Variants in CFAP299 observed in about 807,000 individuals in gnomAD.
The protein encoded by CFAP299 is cilia- and flagella-associated protein 299.
A neutral mutation model predicts 27.0 loss-of-function variants in CFAP299; 21 were observed. That is an observed-to-expected ratio of 0.78 (90% confidence interval 0.55 to 1.12). The LOEUF (loss-of-function observed/expected upper bound fraction) is 1.12, where lower values mean the gene tolerates loss of function less well. CFAP299 is among the 50% of genes most tolerant of loss of function. The probability of loss-of-function intolerance (pLI) is 0.00; values close to 1 mark genes in which losing one functional copy is unlikely to be tolerated. For synonymous variants in CFAP299, 104 were observed against 98.1 expected, an observed-to-expected ratio of 1.06 and a Z score of -0.36; for missense variants, 310 against 276.6, an observed-to-expected ratio of 1.12 and a Z score of -0.86.
At chr4:80,716,356 T>C (rs1269098085) in intron 3 of CFAP299, among the ~76,000 whole-genome samples, 4 of 151,018 alleles carry the variant, frequency 2.6e-5, no homozygotes, top group African/African-American at 9.7e-5. Context: ...CAAGTGAATG[T>C]CAATAAGGAT....
At chr4:80,774,194 G>A (rs1341827489) in intron 3 of CFAP299, among the ~76,000 whole-genome samples, 4 of 151,718 alleles carry the variant, frequency 2.6e-5, no homozygotes, top group Non-Finnish European at 5.9e-5. Flanking sequence ...AATTTGTGAG[G>A]TTGTTAAATC....
rs556645860 is a variant in CFAP299, at chr4:80,442,485, A to T, written c.242+79601A>T. On this transcript the variant is annotated intron_variant, in intron 2 of 5. Coordinates refer to ENST00000358105, the MANE Select transcript of CFAP299 (RefSeq NM_152770.3). ...GGTAAATAACGAAATTAAGGCAGAA[A>T]TAAATAAGTTCTTTGAAACAAATGA... 6.6e-4 allele frequency among the ~76,000 whole-genome samples: 100 copies of T among 152,356 alleles called. 3 individuals are homozygous for T. In the South Asian group the frequency reaches 0.02, roughly 31 times the overall value.
At chr4:80,552,520 T>C (rs1169895778) in intron 2 of CFAP299, among the ~76,000 whole-genome samples, 1 of 152,180 alleles carries the variant, frequency 6.6e-6, no homozygotes, top group Non-Finnish European at 1.5e-5. Flanking sequence ...ATCTAGACTT[T>C]AAAGTCTCCT....
intron 3 of CFAP299, among the ~76,000 whole-genome samples, chr4:80,717,566 C>A (rs1428575590): frequency 6.6e-6 from 1 of 152,004 alleles, no homozygotes; most frequent in Non-Finnish European, 1.5e-5. Context: ...TCCAGACAGG[C>A]CTTTAAGTTA....
intron 2 of CFAP299, among the ~76,000 whole-genome samples, chr4:80,512,243 T>TGTGC (rs1732344679): frequency 6.6e-6 from 1 of 151,808 alleles, no homozygotes. Context: ...TGTGTGTGTG[T>TGTGC]GCATGTGTGT....
At chr4:80,810,637 G>T (rs550057574) in intron 3 of CFAP299, among the ~76,000 whole-genome samples, 2 of 151,962 alleles carry the variant, frequency 1.3e-5, no homozygotes, top group African/African-American at 2.4e-5. Flanking sequence ...TAGGATAAAA[G>T]CAGGGAACAG....
chr4:80,921,802 G>C (rs1041937451), intron 4 of CFAP299, among the ~76,000 whole-genome samples: 2 of 151,918 alleles, frequency 1.3e-5, no homozygotes, highest in Admixed American at 6.6e-5. Context: ...CTGAACTAGA[G>C]CAGTGGTGGA....
At chr4:80,564,409 A>G (rs903801466) in intron 2 of CFAP299, among the ~76,000 whole-genome samples, 1 of 152,044 alleles carries the variant, frequency 6.6e-6, no homozygotes, top group African/African-American at 2.4e-5. Context: ...CAGCCTATAA[A>G]CAGAATGAAG....
intron 4 of CFAP299, among the ~76,000 whole-genome samples, chr4:80,899,287 A>T (rs189079382): frequency 6.6e-6 from 1 of 152,338 alleles, no homozygotes; most frequent in East Asian, 1.9e-4. Flanking sequence ...ATGTAGCTAG[A>T]TATGAGAGGT....
At chr4:80,491,570 C>G (rs1731134632) in intron 2 of CFAP299, among the ~76,000 whole-genome samples, 1 of 152,030 alleles carries the variant, frequency 6.6e-6, no homozygotes, top group Admixed American at 6.5e-5. Context: ...GAAACTTTCA[C>G]TTTCTGTTCT....
intron 3 of CFAP299, among the ~76,000 whole-genome samples, chr4:80,661,515 T>C (rs1740845831): frequency 6.6e-6 from 1 of 152,190 alleles, no homozygotes; most frequent in East Asian, 1.9e-4. Context: ...GAAGATTTAA[T>C]GGACAATTAT....
chr4:80,478,481 A>C (rs1730390895), intron 2 of CFAP299, among the ~76,000 whole-genome samples: 1 of 152,160 alleles, frequency 6.6e-6, no homozygotes, highest in African/African-American at 2.4e-5. Flanking sequence ...AATTATCATT[A>C]TAATTATTTT....
chr4:80,743,826 G>A (rs904240526), intron 3 of CFAP299, among the ~76,000 whole-genome samples: 1 of 152,024 alleles, frequency 6.6e-6, no homozygotes, highest in Non-Finnish European at 1.5e-5. Context: ...CATACTTAAA[G>A]TAAAATTTAA....
intron 2 of CFAP299, among the ~76,000 whole-genome samples, chr4:80,501,931 A>T (rs1294816597): frequency 6.6e-6 from 1 of 151,978 alleles, no homozygotes; most frequent in Non-Finnish European, 1.5e-5. Flanking sequence ...CCAACTGCCC[A>T]ATATTTTAGC....
At chr4:80,421,507 T>G (rs1311621870) in intron 2 of CFAP299, among the ~76,000 whole-genome samples, 1 of 152,240 alleles carries the variant, frequency 6.6e-6, no homozygotes, top group Admixed American at 6.5e-5. Context: ...TTAGAATAAT[T>G]AGCACTTACT....
At chr4:80,880,712 C>T (rs28422157) in intron 4 of CFAP299, among the ~76,000 whole-genome samples, 4,884 of 151,200 alleles carry the variant, frequency 0.032, 114 homozygotes, top group Non-Finnish European at 0.05. Context: ...GGTGACAGAG[C>T]GAGACTCCGT....
At chr4:80,554,007 T>C (rs899897782) in intron 2 of CFAP299, among the ~76,000 whole-genome samples, 2 of 152,184 alleles carry the variant, frequency 1.3e-5, no homozygotes, top group Non-Finnish European at 2.9e-5. Flanking sequence ...TTCATCCTAT[T>C]TGTCAATTTT....
At chr4:80,472,813 G>A (rs944965656) in intron 2 of CFAP299, among the ~76,000 whole-genome samples, 3 of 152,112 alleles carry the variant, frequency 2.0e-5, no homozygotes, top group African/African-American at 7.2e-5. Context: ...CACGGGACGG[G>A]GGTAATTCAG....
chr4:80,388,408 G>A, intron 2 of CFAP299: 1 of 735,280 alleles, frequency 1.4e-6, no homozygotes, highest in African/African-American at 1.8e-5. Flanking sequence ...GGACCGCTGT[G>A]GGTGCTGCCG....
Sources: gnomAD v4.1 joint callset for allele counts (sites outside exome capture counted in the v4.1 genomes callset) on GRCh38, gnomAD v4.1.1 for gene constraint, MANE v1.5 for transcripts, NCBI Gene and HGNC (gene_info 2026-07-23, HGNC 2026-07-21) for gene names.